The following ROBO1 variants were observed in gnomAD, a reference collection of about 807,000 sequenced individuals.
ROBO1 encodes the protein roundabout guidance receptor 1.
ROBO1 carries 149 observed loss-of-function variants against 195.9 expected under a neutral mutation model. That is an observed-to-expected ratio of 0.76 (90% CI 0.67 to 0.87). The LOEUF (loss-of-function observed/expected upper bound fraction) is 0.87, where lower values mean the gene tolerates loss of function less well. ROBO1 is among the 40% of genes least tolerant of loss of function. The pLI, the probability that ROBO1 is intolerant of heterozygous loss-of-function variation, is 0.00. For synonymous variants in ROBO1, 816 were observed against 733.2 expected (o/e 1.11, Z -1.82); for missense variants, 1,933 against 2,068.3 (o/e 0.93, Z 1.27).
intron 1 of ROBO1, among the ~76,000 whole-genome samples, chr3:79,698,906 T>TA (rs1947526645): frequency 6.6e-6 from 1 of 151,384 alleles, no homozygotes; most frequent in South Asian, 2.1e-4. Context: ...TTTAAAATAA[T>TA]AGTTTTTTTT....
At chr3:79,325,888 T>C (rs2034187672) in intron 2 of ROBO1, among the ~76,000 whole-genome samples, 1 of 152,098 alleles carries the variant, frequency 6.6e-6, no homozygotes, top group African/African-American at 2.4e-5. Flanking sequence ...GAGCCATATT[T>C]CTCTTCTTTG....
rs114083394 is a variant in ROBO1, at chr3:78,657,809, T to C, written c.2443-540A>G. ...AACATCACATTTTACAAGGAGTAGT[T>C]GATTGAAAAGGAAGGAGAGCTTCTG... On this transcript the variant is annotated intron_variant, in intron 17 of 30. Coordinates refer to ENST00000464233, the MANE Select transcript of ROBO1 (RefSeq NM_002941.4). 1.0e-2 allele frequency among the ~76,000 whole-genome samples: 1,518 copies of C among 152,322 alleles called. 25 individuals are homozygous for C. The highest frequency in any genetic ancestry group is 0.035 in the African/African-American group (1,447 of 41,574).
At position 78,930,481 on chromosome 3, in the gene ROBO1, A is replaced by G. The variant is rs563955085; in HGVS notation, c.499+8120T>C. 6.6e-5 allele frequency among the ~76,000 whole-genome samples: 10 copies of G among 152,298 alleles called. 1 individual carries two copies. The highest frequency in any genetic ancestry group is 2.4e-4 in the African/African-American group (10 of 41,576). On this transcript the variant is annotated intron_variant, in intron 4 of 30. Transcript: ENST00000464233. ...TGGACTTGGAAGAAGAGCACATTCCAGGTAAGAGAAAAACAGAAAGTATAC... is the reference window on the plus strand; with the variant it reads ...TGGACTTGGAAGAAGAGCACATTCCGGGTAAGAGAAAAACAGAAAGTATAC...
At chr3:78,711,905 G>A (rs953625684) in intron 8 of ROBO1, among the ~76,000 whole-genome samples, 2 of 150,898 alleles carry the variant, frequency 1.3e-5, no homozygotes, top group Non-Finnish European at 2.9e-5. Context: ...TGAAAGAACC[G>A]TGAAGAGTAC....
At chr3:79,343,463 T>C (rs955083837) in intron 2 of ROBO1, among the ~76,000 whole-genome samples, 1 of 152,154 alleles carries the variant, frequency 6.6e-6, no homozygotes, top group African/African-American at 2.4e-5. Context: ...GGATAATTAA[T>C]TGGAATTTGA....
chr3:78,651,985 C>T (rs1450647956), intron 18 of ROBO1, 56 bp from the exon 19 acceptor site: 2 of 1,345,458 alleles, frequency 1.5e-6, no homozygotes, highest in Non-Finnish European at 2.1e-6. Context: ...ATAATGCACG[C>T]ACTCATTTGT....
At chr3:79,638,575 C>T (rs1210079367) in intron 1 of ROBO1, among the ~76,000 whole-genome samples, 1 of 152,040 alleles carries the variant, frequency 6.6e-6, no homozygotes, top group East Asian at 1.9e-4. Context: ...CCACCGTGCC[C>T]AGCCTTAATG....
intron 4 of ROBO1, among the ~76,000 whole-genome samples, chr3:78,868,577 T>C (rs1190898706): frequency 6.6e-6 from 1 of 152,184 alleles, no homozygotes; most frequent in East Asian, 1.9e-4. Context: ...AATCCATAAC[T>C]TAAGGCACTA....
intron 3 of ROBO1, among the ~76,000 whole-genome samples, chr3:79,027,949 G>A (rs536228377): frequency 1.1e-4 from 17 of 152,084 alleles, no homozygotes; most frequent in East Asian, 3.9e-4. Context: ...ACAGGATACC[G>A]AAATTATTCT....
intron 4 of ROBO1, among the ~76,000 whole-genome samples, chr3:78,816,553 G>A (rs2029936567): frequency 6.6e-6 from 1 of 152,130 alleles, no homozygotes; most frequent in South Asian, 2.1e-4. Context: ...GCTAGGCAAA[G>A]TAAATAGAAA....
At chr3:79,330,428 C>T (rs1473935663) in intron 2 of ROBO1, among the ~76,000 whole-genome samples, 1 of 150,884 alleles carries the variant, frequency 6.6e-6, no homozygotes, top group Non-Finnish European at 1.5e-5. Flanking sequence ...TCCATAAACT[C>T]ATAATGGTTT....
intron 2 of ROBO1, among the ~76,000 whole-genome samples, chr3:79,421,808 T>C (rs997790764): frequency 6.6e-6 from 1 of 152,064 alleles, no homozygotes; most frequent in Non-Finnish European, 1.5e-5. Flanking sequence ...TAGTGACTAA[T>C]GTTGTTGTTG....
intron 2 of ROBO1, among the ~76,000 whole-genome samples, chr3:79,551,182 TTTA>T (rs1942496293): frequency 6.6e-6 from 1 of 152,040 alleles, no homozygotes; most frequent in Admixed American, 6.6e-5. Flanking sequence ...TCAACTTTTT[TTTA>T]AATTTTAATT....
chr3:78,930,134 G>A (rs1271662027), intron 4 of ROBO1, among the ~76,000 whole-genome samples: 1 of 152,108 alleles, frequency 6.6e-6, no homozygotes, highest in African/African-American at 2.4e-5. Context: ...TTGAGAGCAG[G>A]CAAACTCCCT....
At chr3:78,658,684 C>G in intron 17 of ROBO1, among the ~76,000 whole-genome samples, 1 of 152,218 alleles carries the variant, frequency 6.6e-6, no homozygotes, top group East Asian at 1.9e-4. Flanking sequence ...TAAAAGAAAT[C>G]TAAGCCTAGT....
chr3:78,658,447 C>T (rs1048122977), intron 17 of ROBO1, among the ~76,000 whole-genome samples: 1 of 152,194 alleles, frequency 6.6e-6, no homozygotes, highest in African/African-American at 2.4e-5. Flanking sequence ...TGCACCACCA[C>T]ACTCAGCTAA....
intron 1 of ROBO1, among the ~76,000 whole-genome samples, chr3:79,679,290 T>C (rs917200032): frequency 6.6e-6 from 1 of 152,022 alleles, no homozygotes; most frequent in Non-Finnish European, 1.5e-5. Context: ...TTTATATTAG[T>C]TGTTTTATAG....
intron 2 of ROBO1, among the ~76,000 whole-genome samples, chr3:79,425,177 C>T (rs1282472535): frequency 6.6e-6 from 1 of 152,078 alleles, no homozygotes; most frequent in African/African-American, 2.4e-5. Flanking sequence ...ATGCCCCTCA[C>T]ATTTTATTCA....
intron 2 of ROBO1, among the ~76,000 whole-genome samples, chr3:79,503,535 T>C (rs1168837588): frequency 6.6e-6 from 1 of 152,182 alleles, no homozygotes; most frequent in African/African-American, 2.4e-5. Context: ...TTGTGCACCC[T>C]TGGGTAAGTC....
Sources: allele counts gnomAD v4.1 joint callset (sites outside exome capture counted in the v4.1 genomes callset), GRCh38; gene constraint gnomAD v4.1.1; transcripts MANE v1.5; gene names NCBI Gene and HGNC (gene_info 2026-07-23, HGNC 2026-07-21).